The following EHBP1 variants were observed in gnomAD, a reference collection of about 807,000 sequenced individuals.
The protein encoded by EHBP1 is EH domain-binding protein 1.
A neutral mutation model predicts 144.0 loss-of-function variants in EHBP1; 55 were observed. The observed-to-expected ratio is 0.38, with a 90% CI of 0.31 to 0.48. EHBP1 has a LOEUF of 0.48. Among genes scored for constraint, EHBP1 ranks in the 20% least tolerant of loss-of-function variants. The pLI, the probability that EHBP1 is intolerant of heterozygous loss-of-function variation, is 0.98. For missense variants in EHBP1, 1,200 were observed against 1,364.2 expected (o/e 0.88, Z 1.90); for synonymous variants, 469 against 472.7 (o/e 0.99, Z 0.10).
At chr2:62,797,708 C>G (rs1218351409) in intron 5 of EHBP1, among the ~76,000 whole-genome samples, 1 of 152,054 alleles carries the variant, frequency 6.6e-6, no homozygotes, top group Non-Finnish European at 1.5e-5. Context: ...AAACAAAAAA[C>G]AAAAATACAA....
At chr2:62,729,240 CTA>C (rs2037149454) in intron 2 of EHBP1, among the ~76,000 whole-genome samples, 1 of 141,032 alleles carries the variant, frequency 7.1e-6, no homozygotes, top group Non-Finnish European at 1.5e-5. Flanking sequence ...TTGTGATACA[CTA>C]TAGTTTATCC....
intron 5 of EHBP1, among the ~76,000 whole-genome samples, chr2:62,783,073 A>G (rs2042555024): frequency 6.6e-6 from 1 of 152,218 alleles, no homozygotes; most frequent in South Asian, 2.1e-4. Context: ...GATACAGGCC[A>G]TATGCAAGTC....
chr2:62,764,217 A>G, intron 3 of EHBP1, 49 bp from the exon 4 acceptor site: 2 of 1,291,498 alleles, frequency 1.5e-6, no homozygotes, highest in East Asian at 5.2e-5. Flanking sequence ...AATTACTAAC[A>G]TTGCATTTCC....
At chr2:62,905,515 C>G (rs2053728971) in intron 10 of EHBP1, among the ~76,000 whole-genome samples, 1 of 152,032 alleles carries the variant, frequency 6.6e-6, no homozygotes, top group Non-Finnish European at 1.5e-5. Context: ...ATGATATAAT[C>G]AGGTACATGC....
chr2:62,995,680 A>G lies in EHBP1; in HGVS notation c.2980-963A>G, dbSNP rs2059601218. On this transcript the variant is annotated intron_variant, in intron 18 of 22. Coordinates refer to ENST00000431489, the MANE Select transcript of EHBP1 (RefSeq NM_001142616.3). ...GAATAATCACTTAATCAGTTCTTCAATATTTCTTAGCTAATTAGATCTCTT... is the reference window on the plus strand; with the variant it reads ...GAATAATCACTTAATCAGTTCTTCAGTATTTCTTAGCTAATTAGATCTCTT... Among the ~76,000 whole-genome samples, 2 of 152,076 alleles carry G rather than the reference A, an allele frequency of 1.3e-5. 1 individual carries two copies. The highest frequency in any genetic ancestry group is 4.1e-4 in the South Asian group (2 of 4,828).
chr2:62,870,738 C>CATACATATATATATATATATATATATAT (rs1558828727), intron 9 of EHBP1, among the ~76,000 whole-genome samples: 1 of 139,098 alleles, frequency 7.2e-6, no homozygotes, highest in African/African-American at 2.7e-5. Flanking sequence ...AAAAAAAATA[C>CATACATATATATATATATATATATATAT]ATATATATAT....
chr2:63,044,932 A>C, intron 21 of EHBP1, 134 bp from the exon 22 acceptor site: 1 of 648,044 alleles, frequency 1.5e-6, no homozygotes, highest in East Asian at 2.8e-5. Context: ...ACTCCCCAGA[A>C]AACACTAGCT....
intron 6 of EHBP1, chr2:62,826,574 C>A: frequency 5.5e-6 from 1 of 180,310 alleles, no homozygotes; most frequent in Non-Finnish European, 1.1e-5. Context: ...CTGAGGTACA[C>A]ACAGTTCAAT....
intron 14 of EHBP1, among the ~76,000 whole-genome samples, chr2:62,976,775 A>G (rs2058736468): frequency 6.6e-6 from 1 of 152,032 alleles, no homozygotes; most frequent in South Asian, 2.1e-4. Context: ...CTACCTACTA[A>G]CATCTACTCA....
At chr2:62,683,428 G>A (rs2033600434) in intron 1 of EHBP1, among the ~76,000 whole-genome samples, 1 of 152,076 alleles carries the variant, frequency 6.6e-6, no homozygotes, top group African/African-American at 2.4e-5. Flanking sequence ...GGGAGGCCGA[G>A]GTGGGTGGAT....
chr2:62,976,787 A>T (rs1029351377), intron 14 of EHBP1, among the ~76,000 whole-genome samples: 7 of 152,118 alleles, frequency 4.6e-5, no homozygotes, highest in African/African-American at 1.7e-4. Context: ...ATCTACTCAG[A>T]TGTCCTGCCA....
At chr2:62,696,776 CAAAGTGCTGGGAT>C (rs2034116130) in intron 1 of EHBP1, among the ~76,000 whole-genome samples, 1 of 151,996 alleles carries the variant, frequency 6.6e-6, no homozygotes, top group Admixed American at 6.5e-5. Context: ...CTTGGCCTGC[CAAAGTGCTGGGAT>C]TACAGGCGTG....
chr2:62,956,119 T>G (rs924859146), intron 14 of EHBP1: 7 of 152,420 alleles, frequency 4.6e-5, no homozygotes, highest in African/African-American at 1.4e-4. Flanking sequence ...TTGTACAAGG[T>G]CACAGAGTCA....
chr2:62,754,763 C>T (rs1353495249), intron 3 of EHBP1, among the ~76,000 whole-genome samples: 12 of 152,224 alleles, frequency 7.9e-5, no homozygotes. Flanking sequence ...GGGCAGGGCT[C>T]TGTGGGCGTG....
intron 10 of EHBP1, among the ~76,000 whole-genome samples, chr2:62,888,370 A>T (rs1385355599): frequency 6.6e-6 from 1 of 152,258 alleles, no homozygotes; most frequent in Non-Finnish European, 1.5e-5. Flanking sequence ...AATGGGAAAG[A>T]TAAAAATGCT....
At chr2:62,787,064 A>G (rs1257657732) in intron 5 of EHBP1, among the ~76,000 whole-genome samples, 3 of 152,216 alleles carry the variant, frequency 2.0e-5, no homozygotes, top group Non-Finnish European at 4.4e-5. Context: ...AGTTTTCATT[A>G]GCAATAGGAA....
At chr2:63,003,749 G>A (rs774844147) in intron 19 of EHBP1, among the ~76,000 whole-genome samples, 1 of 152,078 alleles carries the variant, frequency 6.6e-6, no homozygotes, top group African/African-American at 2.4e-5. Flanking sequence ...GAAGAAGCCA[G>A]AGGGGATTAT....
In EHBP1 at chr2:62,859,243, G is replaced by T; in HGVS notation, c.709G>T (p.Asp237Tyr). The T allele has an allele frequency of 6.2e-7, 1 of 1,612,136 alleles. No individual in the cohort carries two copies. The change falls in exon 8 of 23, where the codon GAT becomes TAT. Residue 237 changes from aspartate (D) to tyrosine (Y), a missense_variant. Around this residue, in one of 6 missense-constraint regions of EHBP1, gnomAD observed 266 missense variants for 262.4 expected, o/e 1.01. Coordinates refer to ENST00000431489, the MANE Select transcript of EHBP1 (RefSeq NM_001142616.3). ...CACCGTGAATTCAAATCCATTTGAT[G>T]ATCCTGATGCTGCAGAATTAAATCC... ...LATVNSNPFD[D>Y]PDAAELNPFG...
intron 10 of EHBP1, among the ~76,000 whole-genome samples, chr2:62,887,114 A>AT (rs1241670084): frequency 2.6e-5 from 4 of 152,170 alleles, no homozygotes; most frequent in Non-Finnish European, 4.4e-5. Context: ...TCTATAATAG[A>AT]TTACTATTCT....
Sources: gnomAD v4.1 joint callset for allele counts (sites outside exome capture counted in the v4.1 genomes callset) on GRCh38, gnomAD v4.1.1 for gene constraint, gnomAD v4.1.1 regional missense constraint, MANE v1.5 for transcripts, NCBI Gene and HGNC (gene_info 2026-07-23, HGNC 2026-07-21) for gene names.